CEP128: variants seen among roughly 807,000 people sequenced by gnomAD.
CEP128 encodes centrosomal protein 128, also known as centrosomal protein 128kDa.
In CEP128, 132 loss-of-function variants were observed where a neutral mutation model predicts 156.7. The observed-to-expected ratio is 0.84, with a 90% CI of 0.73 to 0.97. The LOEUF (loss-of-function observed/expected upper bound fraction) is 0.97. Among genes scored for constraint, CEP128 ranks in the 50% least tolerant of loss-of-function variants. CEP128 has a pLI of 0.00. For synonymous variants in CEP128, 469 were observed against 448.9 expected, an observed-to-expected ratio of 1.04 and a Z score of -0.57; for missense variants, 1,252 against 1,281.9, an observed-to-expected ratio of 0.98 and a Z score of 0.36.
chr14:80,891,133 A>T (rs963860097), intron 8 of CEP128, among the ~76,000 whole-genome samples: 2 of 152,190 alleles, frequency 1.3e-5, no homozygotes, highest in African/African-American at 4.8e-5. Flanking sequence ...CACTATTTTG[A>T]GAACAGTATG....
chr14:80,702,466 C>A (rs1229890602), intron 19 of CEP128, among the ~76,000 whole-genome samples: 1 of 152,098 alleles, frequency 6.6e-6, no homozygotes, highest in East Asian at 1.9e-4. Context: ...AGTTCAGGCC[C>A]TGGACTGAGT....
downstream of CEP128, among the ~76,000 whole-genome samples, chr14:80,492,052 A>G (rs1013348707): frequency 6.6e-6 from 1 of 152,210 alleles, no homozygotes; most frequent in African/African-American, 2.4e-5. Context: ...AGAGTTATGC[A>G]GTATGATCTG....
chr14:80,851,128 C>A (rs576599845), intron 9 of CEP128, among the ~76,000 whole-genome samples: 1 of 152,136 alleles, frequency 6.6e-6, no homozygotes, highest in Admixed American at 6.6e-5. Context: ...CATTTGGAAA[C>A]GTCAATTTCT....
chr14:80,599,273 T>TC (rs1892477770), intron 19 of CEP128, among the ~76,000 whole-genome samples: 1 of 138,736 alleles, frequency 7.2e-6, no homozygotes, highest in Non-Finnish European at 1.6e-5. Flanking sequence ...TTCTTTTTTT[T>TC]TTTTTTTTTT....
At position 80,479,422 on chromosome 14, in the gene CEP128, A is replaced by C. The variant is rs536175032; in HGVS notation, c.*311-1015T>G. ...GGAGAGGCCTCAGAATCATGGTGGG[A>C]GGTGAAAGGCACTTCTTACATGGTA... On this transcript the variant is annotated intron_variant and NMD_transcript_variant, in intron 14 of 14. Coordinates refer to the CEP128 transcript ENST00000554502. Among the ~76,000 whole-genome samples the C allele has an allele frequency of 3.4e-4, 52 of 152,228 alleles. 1 individual carries two copies. The highest frequency in any genetic ancestry group is 9.9e-4 in the African/African-American group (41 of 41,538).
intron 13 of CEP128, among the ~76,000 whole-genome samples, chr14:80,798,685 A>C (rs1466115806): frequency 6.6e-6 from 1 of 152,246 alleles, no homozygotes; most frequent in Non-Finnish European, 1.5e-5. Context: ...CCAAGTTCTC[A>C]AATGCCAGAA....
chr14:80,525,686 A>G (rs993199817), intron 23 of CEP128, among the ~76,000 whole-genome samples: 2 of 152,186 alleles, frequency 1.3e-5, no homozygotes, highest in African/African-American at 4.8e-5. Flanking sequence ...TATTAAAAAC[A>G]AAGGTAAAAA....
chr14:80,555,395 G>T (rs1032600904), intron 21 of CEP128, among the ~76,000 whole-genome samples: 5 of 151,994 alleles, frequency 3.3e-5, no homozygotes, highest in African/African-American at 1.2e-4. Flanking sequence ...ATTTTGTCTG[G>T]TAGGGTTCCA....
At chr14:80,614,064 CAG>C (rs1276426875) in intron 19 of CEP128, among the ~76,000 whole-genome samples, 1 of 151,300 alleles carries the variant, frequency 6.6e-6, no homozygotes, top group Non-Finnish European at 1.5e-5. Flanking sequence ...TTTTAAATAA[CAG>C]AGGGGAAAGA....
Position 80,812,376 on chromosome 14 carries a change from T to C in CEP128, c.1209+18767A>G, listed in dbSNP as rs780649047. Among the ~76,000 whole-genome samples, 8 of 152,360 alleles carry C rather than the reference T, an allele frequency of 5.3e-5. No individual in the cohort carries two copies. The South Asian group carries it at 1.7e-3, about 32-fold the overall frequency. On this transcript the variant is annotated intron_variant, in intron 13 of 24. Coordinates refer to ENST00000555265, the MANE Select transcript of CEP128 (RefSeq NM_152446.5). Reference sequence around the variant, plus strand: ...GTTGCAATGAACATAGACACCTATATGTCTTTATGGTAGAAAGCCTCATAT... The same window carrying C: ...GTTGCAATGAACATAGACACCTATACGTCTTTATGGTAGAAAGCCTCATAT...
rs191015293 is a variant in CEP128, at chr14:80,772,672, G to A, written c.2376+5210C>T. On this transcript the variant is annotated intron_variant, in intron 16 of 24. Transcript: ENST00000555265. ...CACCCACGCCTGGATGCTACTGTGG[G>A]GCTGGATCCCAGAGGTAGTTGCCCC... Among the ~76,000 whole-genome samples the A allele has an allele frequency of 5.8e-4, 88 of 152,232 alleles. 1 individual carries two copies. The highest frequency in any genetic ancestry group is 2.0e-3 in the African/African-American group (82 of 41,532).
intron 19 of CEP128, among the ~76,000 whole-genome samples, chr14:80,728,890 T>C (rs1403819020): frequency 6.6e-6 from 1 of 152,192 alleles, no homozygotes; most frequent in Non-Finnish European, 1.5e-5. Flanking sequence ...ATTTTTCCTC[T>C]TTTAACAGTT....
intron 2 of CEP128, among the ~76,000 whole-genome samples, chr14:80,925,286 C>G (rs1245656856): frequency 6.7e-6 from 1 of 149,242 alleles, no homozygotes. Flanking sequence ...CAAAGAAAAC[C>G]CCGCAAGAAC....
chr14:80,906,063 G>A lies in CEP128; in HGVS notation c.253C>T (p.Gln85Ter). The A allele has an allele frequency of 6.3e-7, 1 of 1,596,348 alleles. No homozygotes were observed. The highest frequency in any genetic ancestry group is 8.5e-7 in the Non-Finnish European group (1 of 1,175,086). ...TGACTCCGGAGTTGGTCGATTGATT[G>A]TTCCAAGCTTTCTTTTAACTAATTT... Reference protein sequence around the residue: ...AIEHLKESLEQSIDQLRSQRL... With the variant: ...AIEHLKESLE Residue 85 changes from glutamine to a stop codon, truncating the protein, a stop_gained, in exon 5 of 25, where the codon CAA (glutamine) becomes TAA (stop). Coordinates refer to ENST00000555265, the MANE Select transcript of CEP128 (RefSeq NM_152446.5). LOFTEE classifies it high-confidence loss of function.
At chr14:80,783,111 C>T (rs926020525) in intron 15 of CEP128, among the ~76,000 whole-genome samples, 7 of 152,120 alleles carry the variant, frequency 4.6e-5, no homozygotes, top group African/African-American at 1.7e-4. Flanking sequence ...ATCTGTTCCA[C>T]CTAGACTTTC....
At chr14:80,820,850 T>C (rs781330922) in intron 13 of CEP128, among the ~76,000 whole-genome samples, 1 of 152,216 alleles carries the variant, frequency 6.6e-6, no homozygotes, top group Non-Finnish European at 1.5e-5. Context: ...AATTTATTAA[T>C]CTTCTCTAAG....
chr14:80,840,811 C>T, intron 9 of CEP128, 43 bp from the exon 10 acceptor site: 1 of 1,212,654 alleles, frequency 8.2e-7, no homozygotes, highest in Non-Finnish European at 1.2e-6. Context: ...AAAATATGTA[C>T]AAAACTGAAA....
chr14:80,598,089 G>C (rs1273586371), intron 19 of CEP128, among the ~76,000 whole-genome samples: 4 of 151,092 alleles, frequency 2.6e-5, no homozygotes, highest in Non-Finnish European at 5.9e-5. Context: ...AGTACAGGAA[G>C]TTCTATAATA....
rs546961417 is a variant in CEP128, at chr14:80,585,586, AC to A, written c.2807-5164del. Among the ~76,000 whole-genome samples the A allele has an allele frequency of 6.5e-4, 99 of 152,358 alleles. 1 individual carries two copies. Among genetic ancestry groups the A allele is most frequent in the African/African-American group, 2.3e-3 (95 of 41,588 alleles). Reference sequence around the variant, plus strand: ...TGATAATGGAGAGAAAGTTATAGAAACAGAGGCTTCTGACACAGCAACATTT... The same window carrying A: ...TGATAATGGAGAGAAAGTTATAGAAAAGAGGCTTCTGACACAGCAACATTT... On this transcript the variant is annotated intron_variant, in intron 19 of 24. Transcript: ENST00000555265.
Sources: gnomAD v4.1 joint callset for allele counts (sites outside exome capture counted in the v4.1 genomes callset) on GRCh38, gnomAD v4.1.1 for gene constraint, MANE v1.5 for transcripts, NCBI Gene and HGNC (gene_info 2026-07-23, HGNC 2026-07-21) for gene names.